The following GRIK4 variants were observed in gnomAD, a reference collection of about 807,000 sequenced individuals.
The protein encoded by GRIK4 is glutamate receptor ionotropic, kainate 4.
GRIK4 carries 40 observed loss-of-function variants against 104.9 expected under a neutral mutation model. That is an observed-to-expected ratio of 0.38 (90% CI 0.30 to 0.50). The LOEUF is 0.50. Ranked by LOEUF, GRIK4 falls within the 20% of genes least tolerant of loss-of-function variation. GRIK4 has a pLI of 0.93. For synonymous variants in GRIK4, 485 were observed against 524.9 expected (o/e 0.92, Z 1.04); for missense variants, 1,047 against 1,308.1 (o/e 0.80, Z 3.08).
At chr11:120,791,859 G>T (rs760413228) in intron 3 of GRIK4, among the ~76,000 whole-genome samples, 2 of 152,014 alleles carry the variant, frequency 1.3e-5, no homozygotes, top group Non-Finnish European at 2.9e-5. Context: ...CTGTACCTTT[G>T]TTAAAATCAG....
In GRIK4 at chr11:120,563,058, C is replaced by T. The variant is rs546765538; in HGVS notation, c.-159+51171C>T. Among the ~76,000 whole-genome samples the T allele has an allele frequency of 1.1e-4, 17 of 152,304 alleles. No homozygotes were observed. In the South Asian group the frequency reaches 2.1e-3, roughly 19 times the overall value. On this transcript the variant is annotated intron_variant, in intron 1 of 20. Transcript: ENST00000527524. ...CACCCAGCTTGCCCAGCTTCCAGAA[C>T]GGGGATGGTGAAGTGTGTCTTTCCA...
chr11:120,555,081 C>T lies in GRIK4; in HGVS notation c.-159+43194C>T, dbSNP rs570831286. Among the ~76,000 whole-genome samples the T allele has an allele frequency of 6.6e-5, 10 of 152,330 alleles. No individual in the cohort carries two copies. The East Asian group carries it at 1.5e-3, about 24-fold the overall frequency. ...CTGAAGCCTGTGAGGCATGAGAAGG[C>T]GCTCTGCAGCCCGAGACCACAGGCT... On this transcript the variant is annotated intron_variant, in intron 1 of 20. Transcript: ENST00000527524. This position sits in a 1 kb window ranked among gnomAD's most constrained non-coding sequence, Gnocchi z 5.3.
intron 1 of GRIK4, among the ~76,000 whole-genome samples, chr11:120,534,996 G>T (rs924710771): frequency 4.6e-5 from 7 of 152,208 alleles, no homozygotes; most frequent in African/African-American, 1.7e-4. Flanking sequence ...TGCCCTAGGA[G>T]AGTTTACTCC....
intron 1 of GRIK4, among the ~76,000 whole-genome samples, chr11:120,644,113 T>C (rs1040534197): frequency 6.6e-6 from 1 of 151,956 alleles, no homozygotes; most frequent in African/African-American, 2.4e-5. Context: ...TGTGTATGTG[T>C]GTACAGTTCT....
intron 8 of GRIK4, among the ~76,000 whole-genome samples, chr11:120,839,448 A>G (rs1033845700): frequency 6.6e-6 from 1 of 152,186 alleles, no homozygotes; most frequent in Non-Finnish European, 1.5e-5. Context: ...CTGTAAGTGG[A>G]CACTAATAGT....
chr11:120,961,124 G>C (rs1944279259), intron 17 of GRIK4, 50 bp downstream of exon 17: 1 of 1,503,478 alleles, frequency 6.7e-7, no homozygotes, highest in Non-Finnish European at 9.2e-7. Context: ...GCAGAATAAA[G>C]TTGAGATGTT....
chr11:120,813,287 T>A (rs953897029), intron 4 of GRIK4, among the ~76,000 whole-genome samples: 3 of 152,102 alleles, frequency 2.0e-5, no homozygotes, highest in Admixed American at 1.3e-4. Flanking sequence ...GCACTTCACG[T>A]CTCTGGGGTG....
chr11:120,668,465 C>G (rs1949961439), intron 3 of GRIK4, among the ~76,000 whole-genome samples: 2 of 152,016 alleles, frequency 1.3e-5, no homozygotes, highest in African/African-American at 4.8e-5. Context: ...GAAACCCTAC[C>G]CCGGGGAAGA....
At chr11:120,739,226 A>C (rs1012335787) in intron 3 of GRIK4, among the ~76,000 whole-genome samples, 1 of 152,184 alleles carries the variant, frequency 6.6e-6, no homozygotes, top group Admixed American at 6.5e-5. Context: ...TTCCTTATCT[A>C]TATGGAAATA....
intron 3 of GRIK4, among the ~76,000 whole-genome samples, chr11:120,671,209 T>C (rs985510180): frequency 2.6e-5 from 4 of 152,182 alleles, no homozygotes; most frequent in African/African-American, 9.7e-5. Context: ...ATCCTTTGGG[T>C]ATATACCCAG....
intron 3 of GRIK4, among the ~76,000 whole-genome samples, chr11:120,800,573 G>A (rs1459961082): frequency 6.6e-6 from 1 of 152,210 alleles, no homozygotes; most frequent in Non-Finnish European, 1.5e-5. Flanking sequence ...GACTTTGCTA[G>A]TTAATTCCCA....
intron 9 of GRIK4, chr11:120,868,314 C>T (rs1029946010): frequency 5.3e-5 from 8 of 151,954 alleles, no homozygotes; most frequent in Non-Finnish European, 7.4e-5. Flanking sequence ...ACAAGAGAAT[C>T]GAGGGTTCAT....
Position 120,962,495 on chromosome 11 carries a change from A to G in GRIK4, c.2080A>G (p.Met694Val). ...GACCTACCAACGCATGTGGAATTAC[A>G]TGTATTCCAAGCAGCCCAGCGTGTT... is the stretch of plus-strand genomic sequence containing the variant. Reference protein sequence around the residue: ...YQTYQRMWNYMYSKQPSVFVK... With the variant: ...YQTYQRMWNYVYSKQPSVFVK... Residue 694 changes from methionine to valine, a missense_variant, in exon 18 of 21, where the codon ATG becomes GTG. Met to Val is a conservative substitution (Grantham distance 21, BLOSUM62 1). Coordinates refer to ENST00000527524, the MANE Select transcript of GRIK4 (RefSeq NM_014619.5). 2 of 1,613,722 alleles carry G rather than the reference A, an allele frequency of 1.2e-6. No homozygotes were observed. Among genetic ancestry groups the G allele is most frequent in the Non-Finnish European group, 1.7e-6 (2 of 1,179,626 alleles).
At chr11:120,912,889 A>C (rs188961057) in intron 13 of GRIK4, among the ~76,000 whole-genome samples, 3 of 152,060 alleles carry the variant, frequency 2.0e-5, no homozygotes, top group Non-Finnish European at 2.9e-5. Context: ...GAGATGATGG[A>C]GCATTCAGAA....
chr11:120,768,150 G>T lies in GRIK4; in HGVS notation c.83-34543G>T, dbSNP rs111988050. On this transcript the variant is annotated intron_variant, in intron 3 of 20. Transcript: ENST00000527524. Reference sequence around the variant, plus strand: ...CTATGTATTGCTTTGGGTAGTATGGGCATTTTAACAATATTATTCTTATTC... The same window carrying T: ...CTATGTATTGCTTTGGGTAGTATGGTCATTTTAACAATATTATTCTTATTC... 3.1e-3 allele frequency among the ~76,000 whole-genome samples: 469 copies of T among 151,906 alleles called. 3 individuals are homozygous for T. The highest frequency in any genetic ancestry group is 0.011 in the African/African-American group (445 of 41,492).
chr11:120,698,243 A>G lies in GRIK4; in HGVS notation c.82+37843A>G, dbSNP rs79702741. ...AAAGGATGAATAAAAAGAAAATAAC[A>G]TAATAAAATTAATTTCAATGTTTAA... is the stretch of plus-strand genomic sequence containing the variant. On this transcript the variant is annotated intron_variant, in intron 3 of 20. Transcript: ENST00000527524. Among the ~76,000 whole-genome samples the G allele has an allele frequency of 6.9e-3, 1,057 of 152,382 alleles. 10 individuals are homozygous for G. Among genetic ancestry groups the G allele is most frequent in the Non-Finnish European group, 0.011 (739 of 68,038 alleles).
chr11:120,592,554 C>T (rs887227869), intron 1 of GRIK4, among the ~76,000 whole-genome samples: 2 of 152,076 alleles, frequency 1.3e-5, no homozygotes, highest in African/African-American at 2.4e-5. Flanking sequence ...GATTTTTTAT[C>T]GAATGATGTT....
At chr11:120,753,630 T>C (rs2156762) in intron 3 of GRIK4, among the ~76,000 whole-genome samples, 59,535 of 152,020 alleles carry the variant, frequency 0.39, 14,053 homozygotes, top group African/African-American at 0.67. Flanking sequence ...ATTCAACAAA[T>C]ATATGAGTAG....
chr11:120,832,858 G>A (rs548143232), intron 7 of GRIK4, among the ~76,000 whole-genome samples: 1 of 152,328 alleles, frequency 6.6e-6, no homozygotes, highest in Non-Finnish European at 1.5e-5. Context: ...TCAGTTCCTG[G>A]GCTGGTGGCT....
Sources: gnomAD v4.1 joint callset for allele counts (sites outside exome capture counted in the v4.1 genomes callset) on GRCh38, gnomAD v4.1.1 for gene constraint, Gnocchi (gnomAD v3.1) non-coding constraint, MANE v1.5 for transcripts, NCBI Gene and HGNC (gene_info 2026-07-23, HGNC 2026-07-21) for gene names.